The following PDE4B variants were observed in gnomAD, a reference collection of about 807,000 sequenced individuals.
PDE4B encodes the protein 3',5'-cyclic-AMP phosphodiesterase 4B.
Under a neutral mutation model 82.2 loss-of-function variants are expected in PDE4B, and 20 were observed. The observed-to-expected ratio is 0.24, with a 90% confidence interval of 0.17 to 0.35. PDE4B has a LOEUF of 0.35. Ranked by LOEUF, PDE4B falls within the 10% of genes least tolerant of loss-of-function variation. The pLI, the probability that PDE4B is intolerant of heterozygous loss-of-function variation, is 1.00. For synonymous variants in PDE4B, 320 were observed against 318.9 expected (o/e 1.00, Z -0.04); for missense variants, 655 against 907.2 (o/e 0.72, Z 3.57).
chr1:66,291,218 G>A (rs537171125), intron 7 of PDE4B, among the ~76,000 whole-genome samples: 1 of 152,066 alleles, frequency 6.6e-6, no homozygotes, highest in Non-Finnish European at 1.5e-5. Context: ...CAGTGAGATA[G>A]GAATCCTTAT....
Position 66,283,127 on chromosome 1 carries a change from T to G in PDE4B, c.634+17040T>G, listed in dbSNP as rs181774016. On this transcript the variant is annotated intron_variant, in intron 7 of 16. Transcript: ENST00000341517. The stretch of plus-strand genomic sequence containing the variant: ...GCTTAAAAGCATTTTCATAAGGAGA[T>G]TCTGGAGCCACACTGCCTGGATTTA... Among the ~76,000 whole-genome samples, 40 of 152,226 alleles carry G rather than the reference T, an allele frequency of 2.6e-4. No homozygotes were observed. In the South Asian group the frequency reaches 4.3e-3, roughly 17 times the overall value.
In PDE4B at chr1:65,913,323, A is replaced by G. The variant is rs1483000794; in HGVS notation, c.9A>G (p.Lys3=). The change falls in exon 2 of 17, where the codon AAA becomes AAG. Residue 3 remains lysine (K), a synonymous_variant. Coordinates refer to ENST00000341517, the MANE Select transcript of PDE4B (RefSeq NM_002600.4). MK[K]SRSVMTVMAD... is the part of the protein sequence containing the mutation. ...TATTTTCCACCTCTATAATGAAGAA[A>G]AGCAGGAGTGTGATGACGGTGATGG... 2 of 1,613,726 alleles carry G rather than the reference A, an allele frequency of 1.2e-6. No homozygotes were observed. Among genetic ancestry groups the G allele is most frequent in the East Asian group, 4.5e-5 (2 of 44,890 alleles).
chr1:66,119,652 A>G (rs1358554041), intron 3 of PDE4B, among the ~76,000 whole-genome samples: 2 of 152,192 alleles, frequency 1.3e-5, no homozygotes, highest in East Asian at 3.8e-4. Context: ...GGAGCTCTGC[A>G]AGAGTTTTGG....
At chr1:66,321,702 G>A (rs776325104) in intron 7 of PDE4B, among the ~76,000 whole-genome samples, 1 of 152,124 alleles carries the variant, frequency 6.6e-6, no homozygotes, top group Middle Eastern at 3.2e-3. Flanking sequence ...AACATTCTAC[G>A]CTCATGGATA....
At chr1:66,140,244 T>C (rs1366972273) in intron 3 of PDE4B, among the ~76,000 whole-genome samples, 1 of 152,114 alleles carries the variant, frequency 6.6e-6, no homozygotes, top group Non-Finnish European at 1.5e-5. Flanking sequence ...ACTTCCTGTG[T>C]AGTGCCAATC....
rs549917938 is a variant in PDE4B, at chr1:65,938,797, GTGTGGAGAGATGCAATT to G, written c.281+19965_281+19981del. 9.8e-5 allele frequency among the ~76,000 whole-genome samples: 15 copies of G among 152,286 alleles called. No homozygotes were observed. In the South Asian group the frequency reaches 2.9e-3, roughly 29 times the overall value. On this transcript the variant is annotated intron_variant, in intron 3 of 16. Coordinates refer to ENST00000341517, the MANE Select transcript of PDE4B (RefSeq NM_002600.4). Reference sequence around the variant, plus strand: ...TTTATTTGGTTGGAGAGCTGTATTAGTGTGGAGAGATGCAATTTGAAAGGGCCTTAAAGGCTCTGCTG... The same window carrying G: ...TTTATTTGGTTGGAGAGCTGTATTAGTGAAAGGGCCTTAAAGGCTCTGCTG...
In PDE4B at chr1:66,332,532, T is replaced by C. The variant is rs775201287; in HGVS notation, c.659T>C (p.Met220Thr). ...GAAGAATCTTATCAAAAATTAGCAA[T>C]GGAAACGCTGGAGGAATTAGACTGG... The part of the protein sequence containing the change: ...PQEESYQKLA[M>T]ETLEELDWCL... The change falls in exon 8 of 17, where the codon ATG (methionine) becomes ACG (threonine). Residue 220 changes from methionine (M) to threonine (T), a missense_variant. Met to Thr is a moderately conservative substitution (Grantham distance 81). Around this residue, in one of 3 missense-constraint regions of PDE4B, gnomAD observed 253 missense variants for 275.6 expected, o/e 0.92. Transcript: ENST00000341517. The C allele has an allele frequency of 1.3e-5, 21 of 1,614,112 alleles. No individual in the cohort carries two copies. The highest frequency in any genetic ancestry group is 1.7e-5 in the Non-Finnish European group (20 of 1,180,004).
chr1:66,181,944 T>C (rs989702196), intron 3 of PDE4B, among the ~76,000 whole-genome samples: 1 of 152,160 alleles, frequency 6.6e-6, no homozygotes, highest in Non-Finnish European at 1.5e-5. Context: ...GAAAAAAAGA[T>C]AGAGCAAAGA....
intron 1 of PDE4B, among the ~76,000 whole-genome samples, chr1:65,857,352 A>G (rs1169361673): frequency 6.6e-6 from 1 of 152,128 alleles, no homozygotes; most frequent in African/African-American, 2.4e-5. Context: ...ATTTTTCTCA[A>G]ACACACTAGG....
chr1:66,221,395 G>A lies in PDE4B; in HGVS notation c.282-26065G>A, dbSNP rs1650976526. Among the ~76,000 whole-genome samples, 10 of 152,078 alleles carry A rather than the reference G, an allele frequency of 6.6e-5. No homozygotes were observed. In the South Asian group the frequency reaches 2.1e-3, roughly 32 times the overall value. ...TGTAATAGGAAAGACAATTGCTCAA[G>A]GGCATAGAGAGATATTGTTAAAAAT... On this transcript the variant is annotated intron_variant, in intron 3 of 16. Transcript: ENST00000341517.
At chr1:66,284,808 G>T (rs912921702) in intron 7 of PDE4B, among the ~76,000 whole-genome samples, 2 of 152,138 alleles carry the variant, frequency 1.3e-5, no homozygotes, top group Non-Finnish European at 2.9e-5. Flanking sequence ...GCTGGGCAAA[G>T]AAAAAAGGGC....
At chr1:66,269,782 TG>T (rs1437219100) in intron 7 of PDE4B, among the ~76,000 whole-genome samples, 2 of 152,234 alleles carry the variant, frequency 1.3e-5, no homozygotes. Context: ...AAGTGTTCGC[TG>T]TCTTTACAAA....
At chr1:66,322,587 A>T (rs796815383) in intron 7 of PDE4B, among the ~76,000 whole-genome samples, 6 of 152,242 alleles carry the variant, frequency 3.9e-5, no homozygotes, top group African/African-American at 1.2e-4. Context: ...TCATCAGAGA[A>T]TGCAAATCAA....
chr1:66,055,535 A>G (rs1655250123), intron 3 of PDE4B, among the ~76,000 whole-genome samples: 1 of 152,238 alleles, frequency 6.6e-6, no homozygotes, highest in East Asian at 1.9e-4. Flanking sequence ...CTGATGAGAT[A>G]ACAAGTACAT....
At chr1:66,247,701 T>A (rs1347895892) in intron 4 of PDE4B, 47 bp downstream of exon 4, 2 of 1,388,302 alleles carry the variant, frequency 1.4e-6, no homozygotes, top group Admixed American at 4.7e-5. Context: ...TTACCTCATC[T>A]CTACCCAGGT....
intron 1 of PDE4B, among the ~76,000 whole-genome samples, chr1:65,840,605 G>A (rs1330393231): frequency 1.3e-5 from 2 of 152,112 alleles, no homozygotes; most frequent in Non-Finnish European, 2.9e-5. Flanking sequence ...CCCAGAAAAT[G>A]CGAGCTATTT....
At chr1:66,300,825 C>T (rs1657837204) in intron 7 of PDE4B, among the ~76,000 whole-genome samples, 1 of 152,178 alleles carries the variant, frequency 6.6e-6, no homozygotes. Flanking sequence ...TGGCCGTATG[C>T]AGTCCCGTTT....
At chr1:66,201,600 C>G (rs1648959775) in intron 3 of PDE4B, among the ~76,000 whole-genome samples, 1 of 150,104 alleles carries the variant, frequency 6.7e-6, no homozygotes. Flanking sequence ...AGTAATTTAT[C>G]CATTTCTTCT....
chr1:65,914,907 T>G (rs1003162815), intron 2 of PDE4B, among the ~76,000 whole-genome samples: 4 of 152,222 alleles, frequency 2.6e-5, no homozygotes, highest in African/African-American at 9.6e-5. Flanking sequence ...CAGCCACATG[T>G]GACTATTAAG....
Sources: allele counts gnomAD v4.1 joint callset (sites outside exome capture counted in the v4.1 genomes callset), GRCh38; gene constraint gnomAD v4.1.1; regional missense constraint gnomAD v4.1.1; transcripts MANE v1.5; gene names NCBI Gene and HGNC (gene_info 2026-07-23, HGNC 2026-07-21).